The following TRH variants were observed in gnomAD, a reference collection of about 807,000 sequenced individuals.
TRH encodes the protein thyrotropin releasing hormone, also known as TSH-releasing factor.
A neutral mutation model predicts 5.2 loss-of-function variants in TRH; 5 were observed. The ratio of observed to expected loss-of-function variants is 0.95; its 90% CI spans 0.50 to 2.00. The LOEUF is 2.00. Ranked by LOEUF, TRH falls within the 30% of genes most tolerant of loss-of-function variation. The pLI is 0.01. For synonymous variants in TRH, 131 were observed against 128.6 expected (o/e 1.02, Z -0.13); for missense variants, 318 against 312.8 (o/e 1.02, Z -0.13).
Position 129,975,983 on chromosome 3 carries a change from G to C in TRH, c.167G>C (p.Arg56Pro), listed in dbSNP as rs201388530. ...CAGGTGGAGCGCCTCCTCTTCCTCC[G>C]GGAAAACATCCAGCGGCTGCAAGGG... is the stretch of plus-strand genomic sequence containing the variant. ...LRQVERLLFL[R>P]ENIQRLQGDQ... Residue 56 changes from arginine (R) to proline (P), a missense_variant, in exon 2 of 3, where the codon CGG (arginine) becomes CCG (proline). Transcript: ENST00000302649. 4.4e-5 allele frequency: 71 copies of C among 1,614,122 alleles called. 1 individual carries two copies. The Admixed American group carries it at 8.8e-4, about 20-fold the overall frequency.
intron 1 of TRH, among the ~76,000 whole-genome samples, chr3:129,975,517 G>GGGTGGC (rs2062537420): frequency 6.6e-6 from 1 of 152,206 alleles, no homozygotes; most frequent in Non-Finnish European, 1.5e-5. Flanking sequence ...TCACATTGAA[G>GGGTGGC]GGTGGCGGTG....
At chr3:129,975,733 T>C in intron 1 of TRH, 76 bp from the exon 2 acceptor site, 2 of 1,427,902 alleles carry the variant, frequency 1.4e-6, no homozygotes, top group Admixed American at 2.2e-5. Context: ...GGTTTGTTTC[T>C]GGCGGGCGTC....
At position 129,977,383 on chromosome 3, in the gene TRH, T is replaced by G; in HGVS notation, c.*167T>G. 1 of 881,140 alleles carries G rather than the reference T, an allele frequency of 1.1e-6. No individual in the cohort carries two copies. The highest frequency in any genetic ancestry group is 1.6e-6 in the Non-Finnish European group (1 of 643,410). 54.6% of individuals were successfully genotyped at this position (881,140 alleles called of 1,614,324 possible). A position where few individuals can be genotyped will look rare whatever the true frequency, so the allele number is the denominator to read the frequency against. ...CATCCCAGCCCCTGGCCTTGCCCTCTTCCTTTAGGCATGTGAGAAAATCAG... is the reference window on the plus strand; with the variant it reads ...CATCCCAGCCCCTGGCCTTGCCCTCGTCCTTTAGGCATGTGAGAAAATCAG... On this transcript the variant is annotated 3_prime_UTR_variant, in exon 3 of 3. Transcript: ENST00000302649.
Position 129,975,848 on chromosome 3 carries a change from C to CCT in TRH, c.32_33insCT (p.Leu12PhefsTer2). 1 of 1,611,584 alleles carries CCT rather than the reference C, an allele frequency of 6.2e-7. No individual in the cohort carries two copies. Among genetic ancestry groups the CCT allele is most frequent in the Admixed American group, 1.7e-5 (1 of 59,948 alleles). ...GGCCCTTGGTTGCTGCTCGCTCTGG[C>CCT]TTTGACCCTGAACCTGACCGGTGTC... On this transcript the variant is annotated frameshift_variant, in exon 2 of 3. Coordinates refer to ENST00000302649, the MANE Select transcript of TRH (RefSeq NM_007117.5). LOFTEE classifies it high-confidence loss of function.
At position 129,976,690 on chromosome 3, in the gene TRH, C is replaced by T; in HGVS notation, c.212-9C>T. 6.2e-7 allele frequency: 1 copy of T among 1,607,552 alleles called. No individual in the cohort carries two copies. Among genetic ancestry groups the T allele is most frequent in the Non-Finnish European group, 8.5e-7 (1 of 1,175,928 alleles). On this transcript the variant is annotated splice_polypyrimidine_tract_variant and intron_variant, in intron 2 of 2. Coordinates refer to ENST00000302649, the MANE Select transcript of TRH (RefSeq NM_007117.5). ...CAGGGGCCCCTCACTGACCTCTTTC[C>T]TTCCCCAGCGTCCCAGATCTTTCAA...
chr3:129,977,309 TC>T lies in TRH; in HGVS notation c.*96del, dbSNP rs1194030226. On this transcript the variant is annotated 3_prime_UTR_variant, in exon 3 of 3. Transcript: ENST00000302649. ...ATGACCTCTGTATTCTCTAGTTAGA[TC>T]CCTGACCATAAGCCTGAGCCCCTCC... 1.3e-5 allele frequency: 19 copies of T among 1,407,570 alleles called. No individual in the cohort carries two copies. The highest frequency in any genetic ancestry group is 1.5e-5 in the Non-Finnish European group (16 of 1,079,492). The allele number at this position is 1,407,570 out of a possible 1,614,324, so 87.2% of individuals were successfully genotyped here. A position where few individuals can be genotyped will look rare whatever the true frequency, so the allele number is the denominator to read the frequency against.
Position 129,977,343 on chromosome 3 carries a change from C to G in TRH, c.*127C>G, listed in dbSNP as rs1400157654. The G allele has an allele frequency of 8.0e-7, 1 of 1,247,158 alleles. No individual in the cohort carries two copies. The highest frequency in any genetic ancestry group is 1.0e-6 in the Non-Finnish European group (1 of 955,684). 77.3% of individuals were successfully genotyped at this position (1,247,158 alleles called of 1,614,324 possible). ...ATAAGCCTGAGCCCCTCCCTCCCAG[C>G]CCCATATTCACACACATCCCAGCCC... On this transcript the variant is annotated 3_prime_UTR_variant, in exon 3 of 3. Transcript: ENST00000302649.
At chr3:129,975,697 T>C in intron 1 of TRH, 112 bp from the exon 2 acceptor site, 1 of 1,183,000 alleles carries the variant, frequency 8.5e-7, no homozygotes, top group South Asian at 1.6e-5. Context: ...TGGTCCTGCT[T>C]CTGGGAGGGC....
intron 2 of TRH, 38 bp downstream of exon 2, chr3:129,976,065 C>T (rs2108062416): frequency 6.3e-7 from 1 of 1,596,772 alleles, no homozygotes; most frequent in East Asian, 2.3e-5. Flanking sequence ...TGGGGCTAGG[C>T]TATTGGGAGA....
Position 129,977,270 on chromosome 3 carries a change from G to A in TRH, c.*54G>A. On this transcript the variant is annotated 3_prime_UTR_variant, in exon 3 of 3. Transcript: ENST00000302649. ...GGTCTAAGGATGTCTTGAGCCCTGT[G>A]TGCCCCACCATTCATGACCTCTGTA... 1.3e-6 allele frequency: 2 copies of A among 1,495,610 alleles called. No individual in the cohort carries two copies. Among genetic ancestry groups the A allele is most frequent in the Admixed American group, 4.8e-5 (2 of 42,026 alleles). The allele number at this position is 1,495,610 out of a possible 1,614,324, so 92.6% of individuals were successfully genotyped here. A position where few individuals can be genotyped will look rare whatever the true frequency, so the allele number is the denominator to read the frequency against.
rs1560666764 is a variant in TRH at position 129,975,938 on chromosome 3, G to GCCTGGATGCTCCA, written c.130_131insCTCCACCTGGATG (p.Asp44AlafsTer5). On this transcript the variant is annotated frameshift_variant, in exon 2 of 3. Transcript: ENST00000302649. LOFTEE classifies it high-confidence loss of function. ...GCAGTGACGGCCGCGGAGCATCCGG[G>GCCTGGATGCTCCA]CCTGGATGACTTCCTGCGCCAGGTG... The GCCTGGATGCTCCA allele has an allele frequency of 6.2e-7, 1 of 1,613,844 alleles. No individual in the cohort carries two copies. Among genetic ancestry groups the GCCTGGATGCTCCA allele is most frequent in the South Asian group, 1.1e-5 (1 of 91,074 alleles).
In TRH at chr3:129,976,767, G is replaced by A; in HGVS notation, c.280G>A (p.Glu94Lys). The change falls in exon 3 of 3, where the codon GAA becomes AAA. Residue 94 changes from glutamate to lysine, a missense_variant. Glu to Lys is a moderately conservative substitution (Grantham distance 56, BLOSUM62 1). Transcript: ENST00000302649. ...TCCAGGCAAAAGAGAGGAGGAGGAG[G>A]AAGAGGGAGTTGAAGAAGAGGAAGA... ...QHPGKREEEE[E>K]EGVEEEEEEE... The A allele has an allele frequency of 1.2e-6, 2 of 1,614,014 alleles. No individual in the cohort carries two copies. Among genetic ancestry groups the A allele is most frequent in the South Asian group, 1.1e-5 (1 of 91,050 alleles).
chr3:129,975,416 AC>A, intron 1 of TRH, among the ~76,000 whole-genome samples: 1 of 152,116 alleles, frequency 6.6e-6, no homozygotes, highest in Non-Finnish European at 1.5e-5. Context: ...CGGGGACGCA[AC>A]CGTTAGCGTC....
chr3:129,976,339 C>T lies in TRH; in HGVS notation c.211+312C>T, dbSNP rs562403321. The stretch of plus-strand genomic sequence containing the variant: ...ACTGTCTAGGCACTTCTGTGCCAGA[C>T]ACTATTCCAAGCACTTCAAACACCT... On this transcript the variant is annotated intron_variant, in intron 2 of 2. Coordinates refer to ENST00000302649, the MANE Select transcript of TRH (RefSeq NM_007117.5). Among the ~76,000 whole-genome samples, 34 of 152,346 alleles carry T rather than the reference C, an allele frequency of 2.2e-4. No individual in the cohort carries two copies. In the South Asian group the frequency reaches 6.2e-3, roughly 28 times the overall value.
At position 129,977,262 on chromosome 3, in the gene TRH, A is replaced by G. The variant is rs5664; in HGVS notation, c.*46A>G. Reference sequence around the variant, plus strand: ...GAGTTTGTGGTCTAAGGATGTCTTGAGCCCTGTGTGCCCCACCATTCATGA... The same window carrying G: ...GAGTTTGTGGTCTAAGGATGTCTTGGGCCCTGTGTGCCCCACCATTCATGA... On this transcript the variant is annotated 3_prime_UTR_variant, in exon 3 of 3. Transcript: ENST00000302649. 106,053 of 1,501,574 alleles carry G rather than the reference A, an allele frequency of 0.071. 4,205 individuals carry two copies. Among genetic ancestry groups the G allele is most frequent in the African/African-American group, 0.099 (7,062 of 71,328 alleles). The allele number at this position is 1,501,574 out of a possible 1,614,324, so 93.0% of individuals were successfully genotyped here. A position where few individuals can be genotyped will look rare whatever the true frequency, so the allele number is the denominator to read the frequency against.
intron 1 of TRH, among the ~76,000 whole-genome samples, chr3:129,975,325 G>A (rs2062536390): frequency 6.6e-6 from 1 of 152,234 alleles, no homozygotes; most frequent in African/African-American, 2.4e-5. Flanking sequence ...ATAGAAATGG[G>A]ATCTTCGCGT....
rs1325580748 is a variant in TRH, at chr3:129,977,356, C to A, written c.*140C>A. 2.0e-5 allele frequency: 23 copies of A among 1,144,374 alleles called. No individual in the cohort carries two copies. Among genetic ancestry groups the A allele is most frequent in the Non-Finnish European group, 2.5e-5 (22 of 866,484 alleles). 70.9% of individuals were successfully genotyped at this position (1,144,374 alleles called of 1,614,324 possible). On this transcript the variant is annotated 3_prime_UTR_variant, in exon 3 of 3. Coordinates refer to ENST00000302649, the MANE Select transcript of TRH (RefSeq NM_007117.5). ...CCTCCCTCCCAGCCCCATATTCACA[C>A]ACATCCCAGCCCCTGGCCTTGCCCT...
At chr3:129,975,137 C>A (rs1373697470) in intron 1 of TRH, among the ~76,000 whole-genome samples, 1 of 152,104 alleles carries the variant, frequency 6.6e-6, no homozygotes, top group Admixed American at 6.5e-5. Flanking sequence ...TTCAGGGCGT[C>A]GGCCTGAGAA....
Position 129,977,359 on chromosome 3 carries a change from A to C in TRH, c.*143A>C. ...CCCTCCCAGCCCCATATTCACACAC[A>C]TCCCAGCCCCTGGCCTTGCCCTCTT... On this transcript the variant is annotated 3_prime_UTR_variant, in exon 3 of 3. Transcript: ENST00000302649. 9.1e-7 allele frequency: 1 copy of C among 1,101,336 alleles called. No individual in the cohort carries two copies. Among genetic ancestry groups the C allele is most frequent in the Non-Finnish European group, 1.2e-6 (1 of 834,002 alleles). The allele number at this position is 1,101,336 out of a possible 1,614,324, so 68.2% of individuals were successfully genotyped here. A position where few individuals can be genotyped will look rare whatever the true frequency, so the allele number is the denominator to read the frequency against.
Sources: gnomAD v4.1 joint callset for allele counts (sites outside exome capture counted in the v4.1 genomes callset) on GRCh38, gnomAD v4.1.1 for gene constraint, MANE v1.5 for transcripts, NCBI Gene and HGNC (gene_info 2026-07-23, HGNC 2026-07-21) for gene names.